The following TRABD2B variants were observed in gnomAD, a reference collection of about 807,000 sequenced individuals.
TRABD2B encodes metalloprotease TIKI2.
A neutral mutation model predicts 40.1 loss-of-function variants in TRABD2B; 14 were observed. The ratio of observed to expected loss-of-function variants is 0.35; its 90% CI spans 0.23 to 0.55. TRABD2B has a LOEUF of 0.55. Among genes scored for constraint, TRABD2B ranks in the 20% least tolerant of loss-of-function variants. TRABD2B has a pLI of 0.90. For missense variants in TRABD2B, 541 were observed against 648.6 expected, an observed-to-expected ratio of 0.83 and a Z score of 1.80; for synonymous variants, 263 against 277.0, an observed-to-expected ratio of 0.95 and a Z score of 0.50.
chr1:47,819,645 T>A (rs764088839), intron 2 of TRABD2B: 2 of 152,150 alleles, frequency 1.3e-5, no homozygotes, highest in Non-Finnish European at 2.9e-5. Context: ...TGGGCCTGGA[T>A]GGGCTGATAC....
chr1:47,912,088 TGAGGGAGGCATGGGGATCAGAGG>T (rs1644770693), intron 2 of TRABD2B, among the ~76,000 whole-genome samples: 1 of 152,166 alleles, frequency 6.6e-6, no homozygotes, highest in East Asian at 1.9e-4. Context: ...AGGAGGGGGC[TGAGGGAGGCATGGGGATCAGAGG>T]CCAGAGGTCA....
At chr1:47,913,168 C>T (rs1313747804) in intron 2 of TRABD2B, among the ~76,000 whole-genome samples, 1 of 152,218 alleles carries the variant, frequency 6.6e-6, no homozygotes, top group East Asian at 1.9e-4. Flanking sequence ...TCCCAAGCTT[C>T]TCCTCTCCAT....
intron 6 of TRABD2B, among the ~76,000 whole-genome samples, chr1:47,768,377 G>C (rs2124418094): frequency 6.6e-6 from 1 of 152,270 alleles, no homozygotes. Context: ...CACACCCACA[G>C]AATCAAGCAT....
chr1:47,823,958 T>C (rs554212866), intron 2 of TRABD2B, among the ~76,000 whole-genome samples: 51 of 152,218 alleles, frequency 3.4e-4, no homozygotes, highest in African/African-American at 1.2e-3. Flanking sequence ...GTTTGGAAGG[T>C]TGTAGGTGCC....
At chr1:47,990,171 G>T (rs77384638) in intron 2 of TRABD2B, among the ~76,000 whole-genome samples, 4 of 152,264 alleles carry the variant, frequency 2.6e-5, no homozygotes, top group Non-Finnish European at 5.9e-5. Context: ...CATATTAGAT[G>T]GGTAATGCTC....
intron 2 of TRABD2B, among the ~76,000 whole-genome samples, chr1:47,920,718 C>A (rs778421869): frequency 6.6e-5 from 10 of 152,348 alleles, no homozygotes; most frequent in Non-Finnish European, 1.3e-4. Context: ...CCCTGCAGGG[C>A]AGAGACCCTC....
At chr1:47,982,086 T>C (rs1645849047) in intron 2 of TRABD2B, among the ~76,000 whole-genome samples, 1 of 152,068 alleles carries the variant, frequency 6.6e-6, no homozygotes, top group Non-Finnish European at 1.5e-5. Flanking sequence ...CAGTCAGACA[T>C]TACACACTGC....
At position 47,801,530 on chromosome 1, in the gene TRABD2B, G is replaced by A; in HGVS notation, c.756C>T (p.Ile252=). The change falls in exon 3 of 7, where the codon ATC becomes ATT. Residue 252 remains isoleucine (I), a synonymous_variant. Transcript: ENST00000606738. ...LQASYTTEDL[I]KHYNCGDLSA... ...TGAGGTCTCCGCAGTTGTAGTGCTT[G>A]ATGAGGTCCTCCGTGGTGTAGGAGG... The A allele has an allele frequency of 3.3e-6, 5 of 1,536,138 alleles. No individual in the cohort carries two copies. The highest frequency in any genetic ancestry group is 4.4e-6 in the Non-Finnish European group (5 of 1,146,902).
chr1:47,821,435 A>C (rs893499061), intron 2 of TRABD2B, among the ~76,000 whole-genome samples: 1 of 152,254 alleles, frequency 6.6e-6, no homozygotes, highest in Admixed American at 6.5e-5. Flanking sequence ...AGTCTGACTC[A>C]GCTACAGGAC....
chr1:47,765,946 TGGTGGCGATGGC>T lies in TRABD2B; in HGVS notation c.1498_1509del (p.Ala500_Thr503del). 1.4e-6 allele frequency: 1 copy of T among 702,720 alleles called. No individual in the cohort carries two copies. The allele number at this position is 702,720 out of a possible 1,614,324, so 43.5% of individuals were successfully genotyped here. ...TGCAGCAGGAAGCAGACAGCGATGG[TGGTGGCGATGGC>T]GGGGAGAAGGCCCAGGGTGGGTGCC... On this transcript the variant is annotated inframe_deletion, in exon 7 of 7. Coordinates refer to ENST00000606738, the MANE Select transcript of TRABD2B (RefSeq NM_001194986.2).
At chr1:47,886,599 C>T (rs1644374268) in intron 2 of TRABD2B, among the ~76,000 whole-genome samples, 1 of 152,300 alleles carries the variant, frequency 6.6e-6, no homozygotes, top group Middle Eastern at 3.4e-3. Flanking sequence ...AAGCCAGACA[C>T]CTGGAAGTCA....
intron 2 of TRABD2B, among the ~76,000 whole-genome samples, chr1:47,940,130 G>A (rs1289636942): frequency 3.3e-5 from 5 of 152,186 alleles, no homozygotes; most frequent in African/African-American, 9.7e-5. Flanking sequence ...TGCTTACACC[G>A]TCTGCTCCTG....
intron 2 of TRABD2B, among the ~76,000 whole-genome samples, chr1:47,964,505 A>G (rs1173636210): frequency 6.6e-6 from 1 of 152,292 alleles, no homozygotes; most frequent in Non-Finnish European, 1.5e-5. Flanking sequence ...TATTTTCCCT[A>G]TTAACCAAAC....
rs555700984 is a variant in TRABD2B at position 47,806,514 on chromosome 1, T to C, written c.667-4895A>G. ...TAATGTTTATGATAAGGCTTTGACA[T>C]GGAATAACAAACATCGGGTGAAGGC... On this transcript the variant is annotated intron_variant, in intron 2 of 6. Transcript: ENST00000606738. 2.0e-5 allele frequency among the ~76,000 whole-genome samples: 3 copies of C among 152,258 alleles called. No individual in the cohort carries two copies. The South Asian group carries it at 6.2e-4, about 32-fold the overall frequency.
intron 3 of TRABD2B, chr1:47,795,783 G>T: frequency 1.2e-6 from 1 of 827,742 alleles, no homozygotes; most frequent in Non-Finnish European, 1.5e-6. Context: ...CCACTTTCCA[G>T]GACATAATGC....
chr1:47,795,424 C>T (rs1480846720), intron 3 of TRABD2B, among the ~76,000 whole-genome samples: 3 of 152,150 alleles, frequency 2.0e-5, no homozygotes, highest in Non-Finnish European at 4.4e-5. Context: ...ACTTCACCGC[C>T]GAGCCTGGTG....
chr1:47,817,272 C>T (rs1267919089), intron 2 of TRABD2B, among the ~76,000 whole-genome samples: 1 of 151,932 alleles, frequency 6.6e-6, no homozygotes, highest in Non-Finnish European at 1.5e-5. Context: ...AGTCAGTGTG[C>T]TTTCTCAAAA....
At chr1:47,852,258 T>C (rs547997614) in intron 2 of TRABD2B, among the ~76,000 whole-genome samples, 1 of 152,226 alleles carries the variant, frequency 6.6e-6, no homozygotes, top group East Asian at 1.9e-4. Flanking sequence ...GCAGAGTCCC[T>C]TGGTAAGGCG....
intron 2 of TRABD2B, among the ~76,000 whole-genome samples, chr1:47,952,959 G>A (rs1239746787): frequency 2.0e-5 from 3 of 152,290 alleles, no homozygotes; most frequent in South Asian, 2.1e-4. Flanking sequence ...TGGGACAGCC[G>A]CACTCTGCTG....
Sources: allele counts gnomAD v4.1 joint callset (sites outside exome capture counted in the v4.1 genomes callset), GRCh38; gene constraint gnomAD v4.1.1; transcripts MANE v1.5; gene names NCBI Gene and HGNC (gene_info 2026-07-23, HGNC 2026-07-21).